The following PPFIBP1 variants were observed in gnomAD, a reference collection of about 807,000 sequenced individuals.
PPFIBP1 encodes PPFIB scaffold protein 1.
A neutral mutation model predicts 137.8 loss-of-function variants in PPFIBP1; 112 were observed. That is an observed-to-expected ratio of 0.81 (90% CI 0.70 to 0.95). The LOEUF (loss-of-function observed/expected upper bound fraction) is 0.95, where lower values mean the gene tolerates loss of function less well. PPFIBP1 is among the 40% of genes least tolerant of loss of function. The probability of loss-of-function intolerance (pLI) is 0.00; values close to 1 mark genes in which losing one functional copy is unlikely to be tolerated. For missense variants in PPFIBP1, 1,083 were observed against 1,196.6 expected (o/e 0.91, Z 1.40); for synonymous variants, 378 against 417.3 (o/e 0.91, Z 1.15).
intron 2 of PPFIBP1, among the ~76,000 whole-genome samples, chr12:27,623,147 AG>A (rs1191406574): frequency 6.6e-6 from 1 of 152,168 alleles, no homozygotes; most frequent in East Asian, 1.9e-4. Context: ...ATGAGTCTCC[AG>A]GTTTTAAAGA....
At chr12:27,590,419 A>G (rs1333246613) in intron 2 of PPFIBP1, among the ~76,000 whole-genome samples, 1 of 152,004 alleles carries the variant, frequency 6.6e-6, no homozygotes, top group African/African-American at 2.4e-5. Flanking sequence ...CAAGTGATCT[A>G]CCCACCTCGG....
intron 13 of PPFIBP1, 45 bp downstream of exon 13, chr12:27,667,365 G>A (rs1442234131): frequency 6.8e-7 from 1 of 1,477,366 alleles, no homozygotes; most frequent in Middle Eastern, 1.9e-4. Context: ...AAGAGACTGT[G>A]TTACTGAAAA....
Position 27,684,023 on chromosome 12 carries a change from G to A in PPFIBP1, c.2247+1320G>A, listed in dbSNP as rs560392399. On this transcript the variant is annotated intron_variant, in intron 24 of 29. Coordinates refer to ENST00000228425, the MANE Select transcript of PPFIBP1 (RefSeq NM_003622.4). ...AGGATGGTCTCGATCTCCTGACCTCGTTATCCACCCACCTTGGCCTCCCAA... is the reference window on the plus strand; with the variant it reads ...AGGATGGTCTCGATCTCCTGACCTCATTATCCACCCACCTTGGCCTCCCAA... 4.6e-5 allele frequency among the ~76,000 whole-genome samples: 7 copies of A among 152,120 alleles called. No homozygotes were observed. In the East Asian group the frequency reaches 9.7e-4, roughly 21 times the overall value.
At chr12:27,638,596 G>A (rs1442162927) in intron 4 of PPFIBP1, among the ~76,000 whole-genome samples, 1 of 152,130 alleles carries the variant, frequency 6.6e-6, no homozygotes, top group East Asian at 1.9e-4. Context: ...GATATGCCTG[G>A]TCAAAGGCTT....
intron 2 of PPFIBP1, among the ~76,000 whole-genome samples, chr12:27,617,709 T>C (rs1461552053): frequency 6.6e-6 from 1 of 152,262 alleles, no homozygotes; most frequent in Non-Finnish European, 1.5e-5. Flanking sequence ...AAATTTCTTT[T>C]TTTATTTGAA....
intron 2 of PPFIBP1, among the ~76,000 whole-genome samples, chr12:27,613,718 GA>G (rs927100116): frequency 4.9e-5 from 7 of 143,810 alleles, no homozygotes; most frequent in Non-Finnish European, 9.2e-5. Flanking sequence ...AAAAAAAAAA[GA>G]AAAAAAAATT....
intron 2 of PPFIBP1, chr12:27,593,307 G>A (rs1453432768): frequency 2.5e-5 from 9 of 357,682 alleles, no homozygotes; most frequent in Non-Finnish European, 4.9e-5. Context: ...TATCACTTCG[G>A]GCCCCTTGGG....
In PPFIBP1 at chr12:27,688,996, T is replaced by A. The variant is rs1452835802; in HGVS notation, c.2497-19T>A. ...TTTGTGGTGACTTTTGACAAGCTTT[T>A]TTTTTTTTCTTTAAACAGGTTCTAG... is the stretch of plus-strand genomic sequence containing the variant. On this transcript the variant is annotated intron_variant, in intron 26 of 29. Coordinates refer to ENST00000228425, the MANE Select transcript of PPFIBP1 (RefSeq NM_003622.4). The A allele has an allele frequency of 1.9e-6, 3 of 1,590,280 alleles. No individual in the cohort carries two copies. Among genetic ancestry groups the A allele is most frequent in the African/African-American group, 1.4e-5 (1 of 72,892 alleles).
chr12:27,649,916 G>T (rs1424019981), intron 6 of PPFIBP1, 94 bp from the exon 7 acceptor site: 1 of 1,156,014 alleles, frequency 8.7e-7, no homozygotes, highest in Non-Finnish European at 1.2e-6. Context: ...TCCTCTACTT[G>T]ATAGGTGCTG....
intron 1 of PPFIBP1, among the ~76,000 whole-genome samples, chr12:27,566,635 G>A (rs1456302660): frequency 6.6e-6 from 1 of 152,136 alleles, no homozygotes; most frequent in African/African-American, 2.4e-5. Context: ...AGGACTTTTG[G>A]GGCAGTGGGT....
chr12:27,549,966 T>C (rs1229131957), intron 1 of PPFIBP1, among the ~76,000 whole-genome samples: 3 of 152,194 alleles, frequency 2.0e-5, no homozygotes, highest in Admixed American at 6.5e-5. Context: ...GACCTAGTGG[T>C]TAAGGACACA....
intron 2 of PPFIBP1, among the ~76,000 whole-genome samples, chr12:27,593,151 G>A (rs1235198577): frequency 1.5e-3 from 135 of 89,726 alleles, no homozygotes; most frequent in Middle Eastern, 7.0e-3. Context: ...AAAAAAAAAA[G>A]CCCAAGTGTC....
At chr12:27,609,188 A>T (rs2054833307) in intron 2 of PPFIBP1, 1 of 152,558 alleles carries the variant, frequency 6.6e-6, no homozygotes, top group Admixed American at 6.6e-5. Context: ...GTACTTCTAA[A>T]ACTCTGATCA....
In PPFIBP1 at chr12:27,541,358, G is replaced by A. The variant is rs567978839; in HGVS notation, c.-124+16993G>A. Among the ~76,000 whole-genome samples, 29 of 152,256 alleles carry A rather than the reference G, an allele frequency of 1.9e-4. 2 individuals are homozygous for A. In the South Asian group the frequency reaches 4.2e-3, roughly 22 times the overall value. On this transcript the variant is annotated intron_variant, in intron 1 of 29. Coordinates refer to ENST00000228425, the MANE Select transcript of PPFIBP1 (RefSeq NM_003622.4). ...CTTTTTCATTTCTTTTCCCTTGATA[G>A]AAGTGAGCTTACTGAAGGCAGCGGG...
intron 4 of PPFIBP1, 68 bp downstream of exon 4, chr12:27,635,183 A>G: frequency 6.7e-7 from 1 of 1,489,476 alleles, no homozygotes; most frequent in Non-Finnish European, 9.3e-7. Flanking sequence ...TAGAACATAG[A>G]ATAGCTGATT....
chr12:27,550,779 G>C (rs1320825634), intron 1 of PPFIBP1, among the ~76,000 whole-genome samples: 1 of 152,026 alleles, frequency 6.6e-6, no homozygotes, highest in East Asian at 1.9e-4. Flanking sequence ...AAAGTTTGTG[G>C]TTTTTTCCCT....
chr12:27,580,933 C>T (rs561319591), intron 2 of PPFIBP1, among the ~76,000 whole-genome samples: 67 of 150,720 alleles, frequency 4.4e-4, no homozygotes, highest in Non-Finnish European at 6.9e-4. Context: ...TTTTAAGAGA[C>T]AGGGTCTCGG....
At chr12:27,582,036 C>A (rs986654381) in intron 2 of PPFIBP1, among the ~76,000 whole-genome samples, 1 of 151,728 alleles carries the variant, frequency 6.6e-6, no homozygotes, top group Non-Finnish European at 1.5e-5. Context: ...ATTTGCTCAT[C>A]TTGTCAAAGC....
At chr12:27,673,179 A>G (rs2060305805) in intron 15 of PPFIBP1, among the ~76,000 whole-genome samples, 1 of 152,218 alleles carries the variant, frequency 6.6e-6, no homozygotes, top group Non-Finnish European at 1.5e-5. Context: ...CCAGCTCTAT[A>G]TAATTGAATA....
Sources: gnomAD v4.1 joint callset for allele counts (sites outside exome capture counted in the v4.1 genomes callset) on GRCh38, gnomAD v4.1.1 for gene constraint, MANE v1.5 for transcripts, NCBI Gene and HGNC (gene_info 2026-07-23, HGNC 2026-07-21) for gene names.